ZNF28: variants seen among roughly 807,000 people sequenced by gnomAD.
The protein encoded by ZNF28 is zinc finger protein KOX24.
Under a neutral mutation model 7.2 loss-of-function variants are expected in ZNF28, and 5 were observed. That is an observed-to-expected ratio of 0.70 (90% CI 0.36 to 1.46). The LOEUF is 1.46. Among genes scored for constraint, ZNF28 ranks in the 40% most tolerant of loss-of-function variants. The probability of loss-of-function intolerance (pLI) is 0.03; values close to 1 mark genes in which losing one functional copy is unlikely to be tolerated. For synonymous variants in ZNF28, 288 were observed against 292.4 expected, an observed-to-expected ratio of 0.99 and a Z score of 0.15; for missense variants, 879 against 866.6, an observed-to-expected ratio of 1.01 and a Z score of -0.18.
At chr19:52,806,813 C>T (rs577539734) in intron 3 of ZNF28, among the ~76,000 whole-genome samples, 15 of 152,088 alleles carry the variant, frequency 9.9e-5, no homozygotes, top group African/African-American at 3.6e-4. Context: ...GGGGCATAAG[C>T]ATCCTTTGAG....
At chr19:52,816,100 G>A (rs1362871980) in intron 2 of ZNF28, among the ~76,000 whole-genome samples, 1 of 147,550 alleles carries the variant, frequency 6.8e-6, no homozygotes, top group African/African-American at 2.6e-5. Context: ...CTGGAAGGAG[G>A]GTGGAGGATG....
chr19:52,799,369 C>T lies in ZNF28; in HGVS notation c.*319G>A, dbSNP rs10408156. The T allele has an allele frequency of 0.89, 502,670 of 566,228 alleles. 223,777 individuals are homozygous for T. The highest frequency in any genetic ancestry group is 0.93 in the Middle Eastern group (2,582 of 2,768). 35.1% of individuals were successfully genotyped at this position (566,228 alleles called of 1,614,324 possible). A position where few individuals can be genotyped will look rare whatever the true frequency, so the allele number is the denominator to read the frequency against. ...TTACATCTGTGTGGTTTCTCTTCAG[C>T]ATGCATTTTCTTATGTGTTTCAAGG... is the stretch of plus-strand genomic sequence containing the variant. On this transcript the variant is annotated 3_prime_UTR_variant, in exon 4 of 4. Transcript: ENST00000457749.
At chr19:52,817,639 G>A (rs1406707023) in intron 2 of ZNF28, among the ~76,000 whole-genome samples, 2 of 152,044 alleles carry the variant, frequency 1.3e-5, no homozygotes, top group Non-Finnish European at 1.5e-5. Flanking sequence ...GCATCCAGAT[G>A]TGGCCCCTGA....
At chr19:52,809,840 T>G (rs62119626) in intron 2 of ZNF28, 1 of 422,108 alleles carries the variant, frequency 2.4e-6, no homozygotes, top group Non-Finnish European at 4.4e-6. Context: ...GCGGCGGCGG[T>G]GGCGGTGGTG....
At position 52,818,045 on chromosome 19, in the gene ZNF28, A is replaced by G; in HGVS notation, c.-73-14T>C. On this transcript the variant is annotated splice_polypyrimidine_tract_variant and intron_variant, in intron 1 of 3. Coordinates refer to ENST00000457749, the MANE Select transcript of ZNF28 (RefSeq NM_006969.5). ...TAGAAGTCAATCCTGAATGTTAAAAATATGTTGTTTATTGCTCAGAATCAA... is the reference window on the plus strand; with the variant it reads ...TAGAAGTCAATCCTGAATGTTAAAAGTATGTTGTTTATTGCTCAGAATCAA... 6.3e-7 allele frequency: 1 copy of G among 1,593,688 alleles called. No individual in the cohort carries two copies. The highest frequency in any genetic ancestry group is 2.2e-5 in the East Asian group (1 of 44,770).
intron 2 of ZNF28, among the ~76,000 whole-genome samples, chr19:52,815,889 A>G (rs2147680193): frequency 6.8e-6 from 1 of 147,498 alleles, no homozygotes; most frequent in East Asian, 2.0e-4. Flanking sequence ...TTGGTACAAC[A>G]AACTCCAATG....
At chr19:52,812,077 G>A (rs1274646526) in intron 2 of ZNF28, among the ~76,000 whole-genome samples, 19 of 89,084 alleles carry the variant, frequency 2.1e-4, no homozygotes, top group Middle Eastern at 8.2e-3. Flanking sequence ...GCCTCTGCCC[G>A]GCCGCCCCTA....
chr19:52,808,197 C>G, intron 2 of ZNF28, 64 bp from the exon 3 acceptor site: 1 of 1,595,262 alleles, frequency 6.3e-7, no homozygotes. Flanking sequence ...CAGAAAATGA[C>G]AAGAGAGGGG....
chr19:52,803,826 G>T (rs1364535225), intron 3 of ZNF28, among the ~76,000 whole-genome samples: 2 of 152,074 alleles, frequency 1.3e-5, no homozygotes, highest in Admixed American at 6.6e-5. Context: ...GGGTGTGGTG[G>T]AGGGTGCCTG....
chr19:52,803,209 T>C (rs1281129219), intron 3 of ZNF28, among the ~76,000 whole-genome samples: 1 of 152,210 alleles, frequency 6.6e-6, no homozygotes, highest in African/African-American at 2.4e-5. Flanking sequence ...TCTGAGCACC[T>C]GGGAATGCAG....
chr19:52,801,358 G>T lies in ZNF28; in HGVS notation c.487C>A (p.Gln163Lys), dbSNP rs771295125. 1.9e-5 allele frequency: 30 copies of T among 1,613,860 alleles called. 1 individual carries two copies. In the South Asian group the frequency reaches 3.2e-4, roughly 17 times the overall value. The change falls in exon 4 of 4, where the codon CAA becomes AAA. Residue 163 changes from glutamine (Q) to lysine (K), a missense_variant. Around this residue, in one of 2 missense-constraint regions of ZNF28, gnomAD observed 864 missense variants for 830.2 expected, o/e 1.04. Coordinates refer to ENST00000457749, the MANE Select transcript of ZNF28 (RefSeq NM_006969.5). ...IFQPEGKIGNQVEKSINNASS... is the reference protein window; with the variant it reads ...IFQPEGKIGNKVEKSINNASS... ...GCATTGTTGATAGACTTCTCAACTTGATTACCAATTTTCCCTTCAGGCTGA... is the reference window on the plus strand; with the variant it reads ...GCATTGTTGATAGACTTCTCAACTTTATTACCAATTTTCCCTTCAGGCTGA...
At position 52,815,089 on chromosome 19, in the gene ZNF28, G is replaced by GTA. The variant is rs1233972333; in HGVS notation, c.15+2853_15+2854dup. Among the ~76,000 whole-genome samples, 7 of 92,754 alleles carry GTA rather than the reference G, an allele frequency of 7.5e-5. 1 individual carries two copies. Among genetic ancestry groups the GTA allele is most frequent in the Middle Eastern group, 5.7e-3 (1 of 176 alleles). The allele number at this position is 92,754 out of a possible 152,430, so 60.9% of individuals were successfully genotyped here. On this transcript the variant is annotated intron_variant, in intron 2 of 3. Transcript: ENST00000457749. Reference sequence around the variant, plus strand: ...TGTATAGATATGTGTGTATGTGTGTGTATATATATATTTATATATATATAT... The same window carrying GTA: ...TGTATAGATATGTGTGTATGTGTGTGTATATATATATATTTATATATATATAT...
intron 3 of ZNF28, among the ~76,000 whole-genome samples, chr19:52,804,909 G>C (rs1020057789): frequency 7.2e-5 from 11 of 152,166 alleles, no homozygotes; most frequent in Non-Finnish European, 1.6e-4. Flanking sequence ...AACAAAGGAA[G>C]TTAAGAGTCT....
At chr19:52,803,551 T>C (rs555024007) in intron 3 of ZNF28, among the ~76,000 whole-genome samples, 1 of 152,300 alleles carries the variant, frequency 6.6e-6, no homozygotes, top group South Asian at 2.1e-4. Context: ...CAATTCCCTC[T>C]TAAGAAAAAA....
chr19:52,820,761 T>G (rs1427048010), intron 1 of ZNF28, among the ~76,000 whole-genome samples: 1 of 152,234 alleles, frequency 6.6e-6, no homozygotes, highest in Non-Finnish European at 1.5e-5. Context: ...TTTCTCCAGT[T>G]GCTTTTCTCC....
rs1486442778 is a variant in ZNF28, at chr19:52,801,687, C to A, written c.158G>T (p.Cys53Phe). The change falls in exon 4 of 4, where the codon TGC becomes TTC. Residue 53 changes from cysteine (C) to phenylalanine (F), a missense_variant. This residue lies in a region of ZNF28 where 864 missense variants were observed against 830.2 expected (regional missense o/e 1.04). Transcript: ENST00000457749. Reference sequence around the variant, plus strand: ...TGTTGAGAAGAATGTCTTCATCATGCATTTGGAAGAGATATCTACAAAATA... The same window carrying A: ...TGTTGAGAAGAATGTCTTCATCATGAATTTGGAAGAGATATCTACAAAATA... ...NLVSLDISSK[C>F]MMKTFFSTGQ... 3.7e-6 allele frequency: 6 copies of A among 1,611,020 alleles called. No individual in the cohort carries two copies. Among genetic ancestry groups the A allele is most frequent in the Non-Finnish European group, 5.1e-6 (6 of 1,178,752 alleles).
chr19:52,811,082 C>A (rs1245918801), intron 2 of ZNF28, among the ~76,000 whole-genome samples: 5 of 149,240 alleles, frequency 3.4e-5, no homozygotes, highest in African/African-American at 7.4e-5. Context: ...TTGGTGGAGA[C>A]GGGGTTTCGC....
intron 2 of ZNF28, among the ~76,000 whole-genome samples, chr19:52,812,993 G>C (rs1449088668): frequency 6.6e-6 from 1 of 151,234 alleles, no homozygotes; most frequent in African/African-American, 2.4e-5. Context: ...TAGTAATAAA[G>C]TTAAACTAAA....
rs541534254 is a variant in ZNF28 at position 52,815,400 on chromosome 19, C to A, written c.15+2544G>T. ...GGTATAGTGGCAAGCACCTGTAGTC[C>A]CAGCTACTCGAGAGTCTGAAGCAGG... On this transcript the variant is annotated intron_variant, in intron 2 of 3. Coordinates refer to ENST00000457749, the MANE Select transcript of ZNF28 (RefSeq NM_006969.5). 6.0e-4 allele frequency among the ~76,000 whole-genome samples: 87 copies of A among 145,310 alleles called. 11 individuals carry two copies. Among genetic ancestry groups the A allele is most frequent in the African/African-American group, 2.2e-3 (81 of 37,072 alleles).
Sources: gnomAD v4.1 joint callset for allele counts (sites outside exome capture counted in the v4.1 genomes callset) on GRCh38, gnomAD v4.1.1 for gene constraint, gnomAD v4.1.1 regional missense constraint, MANE v1.5 for transcripts, NCBI Gene and HGNC (gene_info 2026-07-23, HGNC 2026-07-21) for gene names.